DIS3L2: variants seen among roughly 807,000 people sequenced by gnomAD.
The protein encoded by DIS3L2 is DIS3 like 3'-5' exoribonuclease 2, also known as DIS3-like exonuclease 2.
In DIS3L2, 34 loss-of-function variants were observed where a neutral mutation model predicts 97.5. That is an observed-to-expected ratio of 0.35 (90% CI 0.27 to 0.46). The LOEUF is 0.46. Among genes scored for constraint, DIS3L2 ranks in the 20% least tolerant of loss-of-function variants. The probability of loss-of-function intolerance (pLI) is 1.00; values close to 1 mark genes in which losing one functional copy is unlikely to be tolerated. For missense variants in DIS3L2, 1,038 were observed against 1,146.0 expected, an observed-to-expected ratio of 0.91 and a Z score of 1.36; for synonymous variants, 435 against 445.2, an observed-to-expected ratio of 0.98 and a Z score of 0.29.
intron 14 of DIS3L2, among the ~76,000 whole-genome samples, chr2:232,323,440 ACTTC>A (rs1695492329): frequency 6.6e-6 from 1 of 152,034 alleles, no homozygotes; most frequent in Non-Finnish European, 1.5e-5. Context: ...GCCTCTGGGG[ACTTC>A]CTTCCTTTGG....
At chr2:232,250,953 C>T (rs904849660) in intron 12 of DIS3L2, among the ~76,000 whole-genome samples, 2 of 152,212 alleles carry the variant, frequency 1.3e-5, no homozygotes, top group Non-Finnish European at 2.9e-5. Context: ...GTAAAGCTTA[C>T]AGACAATAAG....
At chr2:232,255,340 C>T (rs971226706) in intron 12 of DIS3L2, among the ~76,000 whole-genome samples, 4 of 152,182 alleles carry the variant, frequency 2.6e-5, no homozygotes, top group Non-Finnish European at 4.4e-5. Flanking sequence ...AGCATCATGC[C>T]ACAGCTGCTG....
In DIS3L2 at chr2:232,281,161, A is replaced by G. The variant is rs1272466300; in HGVS notation, c.1659+17721A>G. ...CACACCTATAACCCAGCACTTTGGG[A>G]GGCCGAGGCGGGTGGATCACAAGGT... On this transcript the variant is annotated intron_variant, in intron 13 of 20. Coordinates refer to ENST00000325385, the MANE Select transcript of DIS3L2 (RefSeq NM_152383.5). This position sits in a 1 kb window ranked among gnomAD's most constrained non-coding sequence, Gnocchi z 4.1. Among the ~76,000 whole-genome samples, 1 of 152,158 alleles carries G rather than the reference A, an allele frequency of 6.6e-6. No individual in the cohort carries two copies. Among genetic ancestry groups the G allele is most frequent in the Non-Finnish European group, 1.5e-5 (1 of 68,026 alleles).
intron 6 of DIS3L2, among the ~76,000 whole-genome samples, chr2:232,113,684 C>T (rs1034751821): frequency 2.0e-5 from 3 of 152,206 alleles, no homozygotes; most frequent in South Asian, 4.1e-4. Context: ...TAACCAACTC[C>T]ATCTTGCCTC....
intron 3 of DIS3L2, among the ~76,000 whole-genome samples, chr2:232,023,999 A>G (rs1694588566): frequency 6.6e-6 from 1 of 152,138 alleles, no homozygotes; most frequent in African/African-American, 2.4e-5. Context: ...AAATCCTAAT[A>G]GTTGCCACTT....
chr2:232,074,729 C>T (rs759769135), intron 5 of DIS3L2, among the ~76,000 whole-genome samples: 6 of 152,004 alleles, frequency 3.9e-5, no homozygotes, highest in East Asian at 1.9e-4. Context: ...GGACCACAGG[C>T]GCATGTCACC....
intron 20 of DIS3L2, chr2:232,336,136 T>A: frequency 1.3e-6 from 2 of 1,539,890 alleles, no homozygotes; most frequent in African/African-American, 1.4e-5. Context: ...GTGCTGGCCT[T>A]CTAGGGTCCT....
intron 9 of DIS3L2, among the ~76,000 whole-genome samples, chr2:232,164,522 G>A (rs970093070): frequency 3.3e-5 from 5 of 152,090 alleles, no homozygotes; most frequent in African/African-American, 7.2e-5. Flanking sequence ...ACACTTGCTC[G>A]CTTCATGCAG....
At chr2:232,146,226 T>A (rs1364955113) in intron 8 of DIS3L2, among the ~76,000 whole-genome samples, 1 of 152,164 alleles carries the variant, frequency 6.6e-6, no homozygotes, top group Non-Finnish European at 1.5e-5. Context: ...CAGTGTGTAG[T>A]GAATACCTCT....
rs1693360736 is a variant in DIS3L2, at chr2:232,249,451, G to A, written c.1425+105G>A. The stretch of plus-strand genomic sequence containing the variant: ...ACTGGCTTGGGTGCCATGGTGGTAA[G>A]ACAAGGGAGGTATGGAGTAGCCATC... On this transcript the variant is annotated intron_variant, in intron 12 of 20. Coordinates refer to ENST00000325385, the MANE Select transcript of DIS3L2 (RefSeq NM_152383.5). 1.7e-6 allele frequency: 2 copies of A among 1,191,928 alleles called. 1 individual carries two copies. Among genetic ancestry groups the A allele is most frequent in the South Asian group, 2.7e-5 (2 of 74,374 alleles). 73.8% of individuals were successfully genotyped at this position (1,191,928 alleles called of 1,614,324 possible).
chr2:232,198,189 A>T (rs983357512), intron 9 of DIS3L2, among the ~76,000 whole-genome samples: 9 of 152,096 alleles, frequency 5.9e-5, no homozygotes, highest in African/African-American at 2.2e-4. Context: ...TAAAAATAAC[A>T]CCCACCATTG....
intron 12 of DIS3L2, among the ~76,000 whole-genome samples, chr2:232,250,015 G>A (rs1693375820): frequency 6.6e-6 from 1 of 152,184 alleles, no homozygotes; most frequent in African/African-American, 2.4e-5. Context: ...GTCGGGATGT[G>A]CCTATGCGTA....
intron 7 of DIS3L2, chr2:232,131,128 T>G (rs575893569): frequency 6.2e-6 from 1 of 162,518 alleles, no homozygotes; most frequent in East Asian, 1.7e-4. Context: ...CCATACCTAA[T>G]TTAAAAATAA....
At chr2:232,176,462 C>G (rs773705535) in intron 9 of DIS3L2, among the ~76,000 whole-genome samples, 2 of 151,194 alleles carry the variant, frequency 1.3e-5, no homozygotes, top group South Asian at 2.1e-4. Flanking sequence ...TTTAAATTCT[C>G]TTTTTCATTT....
At chr2:232,049,491 C>G (rs900068160) in intron 5 of DIS3L2, among the ~76,000 whole-genome samples, 1 of 152,096 alleles carries the variant, frequency 6.6e-6, no homozygotes, top group African/African-American at 2.4e-5. Context: ...AGTGGGTTTT[C>G]GTACTCTTGC....
chr2:232,336,709 GGGTTTTTAATTT>G lies in DIS3L2; in HGVS notation c.*89_*100del, dbSNP rs1695966176. ...CTTTAGGACCTGTTGACACGGAGGG[GGGTTTTTAATTT>G]GGTTTTTAACAACTCAGGGGTTTGT... is the stretch of plus-strand genomic sequence containing the variant. On this transcript the variant is annotated 3_prime_UTR_variant, in exon 21 of 21. Coordinates refer to ENST00000325385, the MANE Select transcript of DIS3L2 (RefSeq NM_152383.5). 1.3e-6 allele frequency: 2 copies of G among 1,517,650 alleles called. No individual in the cohort carries two copies. The highest frequency in any genetic ancestry group is 8.7e-7 in the Non-Finnish European group (1 of 1,144,140). The allele number at this position is 1,517,650 out of a possible 1,614,324, so 94.0% of individuals were successfully genotyped here.
At chr2:232,342,893 T>G (rs1696144248) in intron 13 of DIS3L2, among the ~76,000 whole-genome samples, 1 of 152,184 alleles carries the variant, frequency 6.6e-6, no homozygotes, top group Admixed American at 6.5e-5. Flanking sequence ...TCGATGGGTC[T>G]TTTCTGCAGA....
intron 1 of DIS3L2, among the ~76,000 whole-genome samples, chr2:231,974,617 T>G (rs1693024146): frequency 6.6e-6 from 1 of 151,978 alleles, no homozygotes; most frequent in African/African-American, 2.4e-5. Flanking sequence ...AATACAATTC[T>G]TTTTTAAAAA....
chr2:232,100,510 A>T (rs963657860), intron 6 of DIS3L2, among the ~76,000 whole-genome samples: 2 of 152,002 alleles, frequency 1.3e-5, no homozygotes, highest in African/African-American at 2.4e-5. Flanking sequence ...CTGTTTTTAA[A>T]GCTACATATG....
Sources: gnomAD v4.1 joint callset for allele counts (sites outside exome capture counted in the v4.1 genomes callset) on GRCh38, gnomAD v4.1.1 for gene constraint, Gnocchi (gnomAD v3.1) non-coding constraint, MANE v1.5 for transcripts, NCBI Gene and HGNC (gene_info 2026-07-23, HGNC 2026-07-21) for gene names.